CCNL1: variants seen among roughly 807,000 people sequenced by gnomAD.
CCNL1 encodes the protein cyclin-L1.
Under a neutral mutation model 60.6 loss-of-function variants are expected in CCNL1, and 13 were observed. That is an observed-to-expected ratio of 0.21 (90% CI 0.14 to 0.34). The LOEUF (loss-of-function observed/expected upper bound fraction) is 0.34. CCNL1 is among the 10% of genes least tolerant of loss of function. The pLI is 1.00. For missense variants in CCNL1, 481 were observed against 664.3 expected, an observed-to-expected ratio of 0.72 and a Z score of 3.03; for synonymous variants, 270 against 244.3, an observed-to-expected ratio of 1.10 and a Z score of -0.98.
At chr3:157,150,717 T>G (rs568856666) in intron 5 of CCNL1, 618 of 1,033,746 alleles carry the variant, frequency 6.0e-4, no homozygotes, top group Non-Finnish European at 7.0e-4. Flanking sequence ...GTTTCAGAAA[T>G]GATAAACCAC....
Position 157,158,986 on chromosome 3 carries a change from C to A in CCNL1, c.379-11G>T, listed in dbSNP as rs753165193. The A allele has an allele frequency of 1.3e-6, 2 of 1,563,886 alleles. No homozygotes were observed. Among genetic ancestry groups the A allele is most frequent in the Admixed American group, 1.7e-5 (1 of 57,784 alleles). ...AGCCATAGCAACAATCTGAAAGAAC[C>A]CATGAGCCACAAAAGCCATTGTTAG... is the stretch of plus-strand genomic sequence containing the variant. On this transcript the variant is annotated splice_polypyrimidine_tract_variant and intron_variant, in intron 2 of 10. Coordinates refer to ENST00000295926, the MANE Select transcript of CCNL1 (RefSeq NM_020307.4).
downstream of CCNL1, among the ~76,000 whole-genome samples, chr3:157,146,853 T>A (rs12636125): frequency 0.23 from 34,537 of 152,130 alleles, 4,612 homozygotes; most frequent in Admixed American, 0.42. Flanking sequence ...TGGCTAACTT[T>A]TGCTGGGTCT....
At chr3:157,149,800 T>C (rs1553849921) in intron 8 of CCNL1, 36 bp downstream of exon 8, 3 of 1,592,674 alleles carry the variant, frequency 1.9e-6, no homozygotes, top group Non-Finnish European at 2.6e-6. Flanking sequence ...ACACTTTCAG[T>C]GCCCCCAAGT....
chr3:157,144,835 G>C (rs1169897528), downstream of CCNL1, among the ~76,000 whole-genome samples: 1 of 152,190 alleles, frequency 6.6e-6, no homozygotes, highest in Non-Finnish European at 1.5e-5. Context: ...TACAGTTCAT[G>C]ATGAGTTAAG....
At chr3:157,151,224 AAAG>A (rs1189677107) in intron 5 of CCNL1, 11 of 985,476 alleles carry the variant, frequency 1.1e-5, no homozygotes, top group Non-Finnish European at 1.3e-5. Context: ...ACTGAGTCCA[AAAG>A]AAGCATGGCA....
intron 5 of CCNL1, chr3:157,151,446 CT>C: frequency 1.0e-6 from 1 of 985,820 alleles, no homozygotes; most frequent in Non-Finnish European, 1.2e-6. Context: ...AGTAACATCT[CT>C]TTTAAAAATG....
At chr3:157,146,595 C>T (rs986100577), downstream of CCNL1, 2 of 374,864 alleles carry the variant, frequency 5.3e-6, no homozygotes, top group African/African-American at 4.9e-5. Flanking sequence ...GGCAACGTAG[C>T]AAGACCTCGT....
intron 3 of CCNL1, among the ~76,000 whole-genome samples, chr3:157,155,916 CTGCTT>C (rs1429563258): frequency 7.2e-5 from 11 of 152,172 alleles, no homozygotes; most frequent in African/African-American, 2.7e-4. Context: ...AACTCAATCT[CTGCTT>C]TAAGTTTCTA....
chr3:157,152,014 C>T, intron 5 of CCNL1, 163 bp downstream of exon 5: 1 of 1,428,524 alleles, frequency 7.0e-7, no homozygotes, highest in Non-Finnish European at 9.2e-7. Context: ...AAACAGGAAG[C>T]AGAAATAAGC....
chr3:157,152,418 A>G, intron 4 of CCNL1, 177 bp from the exon 5 acceptor site: 1 of 1,297,412 alleles, frequency 7.7e-7, no homozygotes. Context: ...TAGATTTTAT[A>G]TAAATTATGT....
chr3:157,148,403 T>A lies in CCNL1; in HGVS notation c.1419A>T (p.Arg473=), dbSNP rs774195037. The part of the protein sequence containing the change: ...HGHKRKKSRS[R]SQSKSRDHSD... ...AGTGATCCCGAGACTTGCTCTGAGA[T>A]CGAGAACGAGATTTTTTCCTTTTAT... The change falls in exon 11 of 11, where the codon CGA becomes CGT. Residue 473 remains arginine, a synonymous_variant. Coordinates refer to ENST00000295926, the MANE Select transcript of CCNL1 (RefSeq NM_020307.4). 5.0e-6 allele frequency: 8 copies of A among 1,614,202 alleles called. No individual in the cohort carries two copies. The highest frequency in any genetic ancestry group is 5.9e-6 in the Non-Finnish European group (7 of 1,180,028).
intron 3 of CCNL1, among the ~76,000 whole-genome samples, chr3:157,156,146 C>A (rs1234060815): frequency 1.3e-5 from 2 of 152,154 alleles, no homozygotes; most frequent in Non-Finnish European, 2.9e-5. Context: ...AATATTGGAA[C>A]CAAGTCTTCA....
In CCNL1 at chr3:157,148,144, C is replaced by G. The variant is rs1197661328; in HGVS notation, c.*97G>C. The G allele has an allele frequency of 2.7e-6, 4 of 1,482,754 alleles. No individual in the cohort carries two copies. The highest frequency in any genetic ancestry group is 2.7e-6 in the Non-Finnish European group (3 of 1,117,016). 91.8% of individuals were successfully genotyped at this position (1,482,754 alleles called of 1,614,324 possible). A position where few individuals can be genotyped will look rare whatever the true frequency, so the allele number is the denominator to read the frequency against. On this transcript the variant is annotated 3_prime_UTR_variant, in exon 11 of 11. Transcript: ENST00000295926. Reference sequence around the variant, plus strand: ...CCTAGAGGGTTTCAAGAAATCAAATCCTAATCAGTTTGCGTTTAATGTTTT... The same window carrying G: ...CCTAGAGGGTTTCAAGAAATCAAATGCTAATCAGTTTGCGTTTAATGTTTT...
At chr3:157,158,422 T>C (rs995271300) in intron 3 of CCNL1, among the ~76,000 whole-genome samples, 3 of 152,214 alleles carry the variant, frequency 2.0e-5, no homozygotes, top group Admixed American at 2.0e-4. Flanking sequence ...CCTCAATTGA[T>C]AAAGAATTAA....
chr3:157,159,520 G>A (rs766766489), intron 1 of CCNL1, 41 bp from the exon 2 acceptor site: 104 of 1,565,472 alleles, frequency 6.6e-5, no homozygotes, highest in Middle Eastern at 1.7e-4. Context: ...GGGGTCAGGC[G>A]GGCCCGCTCC....
At chr3:157,145,466 C>CAAAAAAA (rs1737755942), downstream of CCNL1, among the ~76,000 whole-genome samples, 40 of 88,968 alleles carry the variant, frequency 4.5e-4, 3 homozygotes, top group African/African-American at 1.7e-3. Context: ...AAAAAAAAAC[C>CAAAAAAA]AAAACGGGAT....
downstream of CCNL1, among the ~76,000 whole-genome samples, chr3:157,144,881 A>G (rs1166752598): frequency 6.6e-6 from 1 of 152,198 alleles, no homozygotes; most frequent in Non-Finnish European, 1.5e-5. Flanking sequence ...TTATGATATT[A>G]TTTTTGGAAA....
At chr3:157,148,927 G>C (rs1206243388) in intron 10 of CCNL1, 1 of 331,984 alleles carries the variant, frequency 3.0e-6, no homozygotes, top group East Asian at 5.6e-5. Flanking sequence ...AACTAAAGAA[G>C]ATTCATTGAC....
chr3:157,149,559 T>A lies in CCNL1; in HGVS notation c.1059A>T (p.Pro353=), dbSNP rs1318553065. 1 of 1,614,028 alleles carries A rather than the reference T, an allele frequency of 6.2e-7. No homozygotes were observed. The highest frequency in any genetic ancestry group is 1.1e-5 in the South Asian group (1 of 91,058). ...PREVKAEEKS[P]ISINVKTVKK... ...TGACTGTCTTCACATTAATGGAGAT[T>A]GGTGATTTCTCTTCAGCTTTTACTT... The change falls in exon 9 of 11, where the codon CCA becomes CCT. Residue 353 remains proline (P), a synonymous_variant. Transcript: ENST00000295926.
Sources: gnomAD v4.1 joint callset for allele counts (sites outside exome capture counted in the v4.1 genomes callset) on GRCh38, gnomAD v4.1.1 for gene constraint, MANE v1.5 for transcripts, NCBI Gene and HGNC (gene_info 2026-07-23, HGNC 2026-07-21) for gene names.